PTDSS2: variants seen among roughly 807,000 people sequenced by gnomAD.
PTDSS2 encodes PSS-2.
In PTDSS2, 41 loss-of-function variants were observed where a neutral mutation model predicts 64.7. That is an observed-to-expected ratio of 0.63 (90% CI 0.49 to 0.82). The LOEUF (loss-of-function observed/expected upper bound fraction) is 0.82. Ranked by LOEUF, PTDSS2 falls within the 40% of genes least tolerant of loss-of-function variation. The pLI is 0.00. For synonymous variants in PTDSS2, 297 were observed against 277.8 expected (o/e 1.07, Z -0.69); for missense variants, 485 against 650.0 (o/e 0.75, Z 2.76).
At chr11:486,013 G>A (rs1271573723) in intron 4 of PTDSS2, among the ~76,000 whole-genome samples, 2 of 149,088 alleles carry the variant, frequency 1.3e-5, no homozygotes, top group East Asian at 2.0e-4. Flanking sequence ...GCACGGGCGC[G>A]CGTGCTCACC....
At chr11:465,626 T>C (rs1483037126) in intron 2 of PTDSS2, among the ~76,000 whole-genome samples, 1 of 152,230 alleles carries the variant, frequency 6.6e-6, no homozygotes, top group Non-Finnish European at 1.5e-5. Context: ...TTGGACTTCA[T>C]TACAATTAAA....
At chr11:482,138 G>A (rs1848101082) in intron 4 of PTDSS2, among the ~76,000 whole-genome samples, 1 of 151,714 alleles carries the variant, frequency 6.6e-6, no homozygotes. Flanking sequence ...GAGCCACCGT[G>A]CCCGGCCGAT....
In PTDSS2 at chr11:460,330, C is replaced by T. The variant is rs200415648; in HGVS notation, c.284+42C>T. ...TCCTGCCTTCTGAAACTGCCCTGTG[C>T]CCCGTGTGGTGGGTGTGGCACCCTT... On this transcript the variant is annotated intron_variant, in intron 2 of 11. Transcript: ENST00000308020. The surrounding 1 kb of genome is among the most constrained non-coding windows in gnomAD (Gnocchi z 5.8). The T allele has an allele frequency of 1.6e-5, 25 of 1,537,380 alleles. No individual in the cohort carries two copies. The South Asian group carries it at 1.8e-4, about 11-fold the overall frequency.
intron 1 of PTDSS2, chr11:459,164 T>A (rs1289011954): frequency 1.4e-5 from 1 of 69,154 alleles, no homozygotes; most frequent in Non-Finnish European, 2.7e-5. Context: ...CGGACCTGGG[T>A]TAGACGTGAG....
chr11:486,897 C>G, intron 4 of PTDSS2, 42 bp from the exon 5 acceptor site: 1 of 1,555,930 alleles, frequency 6.4e-7, no homozygotes, highest in South Asian at 1.2e-5. Flanking sequence ...CAAGTTGCCA[C>G]CACTAACTGT....
chr11:490,788 GCGTGTGTGTA>G lies in PTDSS2; in HGVS notation c.*209_*218del, dbSNP rs1484879032. 5.2e-6 allele frequency: 3 copies of G among 577,984 alleles called. No individual in the cohort carries two copies. The highest frequency in any genetic ancestry group is 4.2e-5 in the African/African-American group (2 of 48,014). The allele number at this position is 577,984 out of a possible 1,614,324, so 35.8% of individuals were successfully genotyped here. A position where few individuals can be genotyped will look rare whatever the true frequency, so the allele number is the denominator to read the frequency against. On this transcript the variant is annotated 3_prime_UTR_variant, in exon 12 of 12. Transcript: ENST00000308020. Reference sequence around the variant, plus strand: ...TGTGTACACGTGTGTACGTGTGTATGCGTGTGTGTACGCGTGTGTACGCGCGTGTGTACAC... The same window carrying G: ...TGTGTACACGTGTGTACGTGTGTATGCGCGTGTGTACGCGCGTGTGTACAC...
At chr11:450,709 G>T (rs936280231) in intron 1 of PTDSS2, 72 bp downstream of exon 1, 1 of 1,203,912 alleles carries the variant, frequency 8.3e-7, no homozygotes, top group African/African-American at 1.6e-5. Flanking sequence ...GCTGGCCTGG[G>T]GGTCCCCGGC....
Position 462,237 on chromosome 11 carries a change from C to G in PTDSS2, c.284+1949C>G, listed in dbSNP as rs964867614. 5.3e-5 allele frequency among the ~76,000 whole-genome samples: 8 copies of G among 152,006 alleles called. No homozygotes were observed. The highest frequency in any genetic ancestry group is 1.7e-4 in the African/African-American group (7 of 41,398). On this transcript the variant is annotated intron_variant, in intron 2 of 11. Coordinates refer to ENST00000308020, the MANE Select transcript of PTDSS2 (RefSeq NM_030783.3). The surrounding 1 kb of genome is among the most constrained non-coding windows in gnomAD (Gnocchi z 4.5). ...GACCCAGACCCAGAGGGGCCAGGAG[C>G]TTAGACCCCTGAGGGGGCAGCAGTG...
intron 4 of PTDSS2, among the ~76,000 whole-genome samples, chr11:484,846 T>C (rs1372533744): frequency 2.3e-5 from 3 of 128,326 alleles, no homozygotes; most frequent in Non-Finnish European, 3.2e-5. Flanking sequence ...GTGTAAACAG[T>C]GCACGGGTGC....
chr11:468,985 CTG>C (rs1252458677), intron 2 of PTDSS2, among the ~76,000 whole-genome samples: 1 of 109,842 alleles, frequency 9.1e-6, no homozygotes, highest in Non-Finnish European at 1.8e-5. Context: ...AGGGGAGTCT[CTG>C]GGTAATCGGA....
At chr11:484,783 C>T (rs1352361337) in intron 4 of PTDSS2, among the ~76,000 whole-genome samples, 7 of 141,230 alleles carry the variant, frequency 5.0e-5, no homozygotes, top group Non-Finnish European at 1.1e-4. Context: ...GTGTGCTGTG[C>T]GCAGGCGAGT....
chr11:477,008 G>A (rs969239323), intron 3 of PTDSS2, among the ~76,000 whole-genome samples: 5 of 152,178 alleles, frequency 3.3e-5, no homozygotes, highest in East Asian at 1.9e-4. Context: ...CCTGTGCAGC[G>A]GAGGCTCTGG....
intron 2 of PTDSS2, chr11:463,317 TC>T (rs1339841663): frequency 6.6e-6 from 1 of 151,150 alleles, no homozygotes; most frequent in Non-Finnish European, 1.5e-5. Context: ...AAGCTCCGTC[TC>T]CCGGGTTCAC....
Position 462,605 on chromosome 11 carries a change from T to A in PTDSS2, c.284+2317T>A, listed in dbSNP as rs1846942631. 6.6e-6 allele frequency among the ~76,000 whole-genome samples: 1 copy of A among 152,190 alleles called. No homozygotes were observed. On this transcript the variant is annotated intron_variant, in intron 2 of 11. Coordinates refer to ENST00000308020, the MANE Select transcript of PTDSS2 (RefSeq NM_030783.3). This position sits in a 1 kb window ranked among gnomAD's most constrained non-coding sequence, Gnocchi z 4.5. ...AGGTCACCCTGGCACTGACCGTGGC[T>A]CTGTGGCTCCTTCCAGTGAAATTGC...
At position 450,314 on chromosome 11, in the gene PTDSS2, C is replaced by A. The variant is rs1448572723; in HGVS notation, c.-142C>A. 3.1e-6 allele frequency: 2 copies of A among 635,814 alleles called. No homozygotes were observed. Among genetic ancestry groups the A allele is most frequent in the Non-Finnish European group, 4.4e-6 (2 of 449,796 alleles). 39.4% of individuals were successfully genotyped at this position (635,814 alleles called of 1,614,324 possible). ...GCACACCCTTTACTGGCCGGCCCCG[C>A]GCTGCTCTCCTAAGACCCCGCGGGC... On this transcript the variant is annotated 5_prime_UTR_variant, in exon 1 of 12. Transcript: ENST00000308020.
chr11:484,571 G>C (rs373421769), intron 4 of PTDSS2, among the ~76,000 whole-genome samples: 3 of 152,010 alleles, frequency 2.0e-5, no homozygotes, highest in African/African-American at 7.2e-5. Context: ...TGCTCACTGC[G>C]CAGGCATCTG....
chr11:456,050 C>G (rs949843033), intron 1 of PTDSS2, among the ~76,000 whole-genome samples: 3 of 152,240 alleles, frequency 2.0e-5, no homozygotes, highest in Admixed American at 6.5e-5. Context: ...TGAAGGTGCC[C>G]TGGCCCGGGG....
At chr11:448,346 G>A (rs1016688954), upstream of PTDSS2, 4 of 152,224 alleles carry the variant, frequency 2.6e-5, no homozygotes, top group African/African-American at 9.7e-5. Flanking sequence ...ACGGCAGGAG[G>A]GCTCTCTGTG....
chr11:463,207 T>C (rs1184997245), intron 2 of PTDSS2: 1 of 151,918 alleles, frequency 6.6e-6, no homozygotes, highest in Non-Finnish European at 1.5e-5. Context: ...TTCTAGAAAT[T>C]AGGCTTAATT....
Sources: gnomAD v4.1 joint callset for allele counts (sites outside exome capture counted in the v4.1 genomes callset) on GRCh38, gnomAD v4.1.1 for gene constraint, Gnocchi (gnomAD v3.1) non-coding constraint, MANE v1.5 for transcripts, NCBI Gene and HGNC (gene_info 2026-07-23, HGNC 2026-07-21) for gene names.